Variants in CSMD1 observed in about 807,000 individuals in gnomAD.
CSMD1 encodes the protein CUB and Sushi multiple domains 1, also known as CUB and sushi domain-containing protein 1.
In CSMD1, 213 loss-of-function variants were observed where a neutral mutation model predicts 417.5. That is an observed-to-expected ratio of 0.51 (90% CI 0.46 to 0.57). The LOEUF is 0.57. Ranked by LOEUF, CSMD1 falls within the 20% of genes least tolerant of loss-of-function variation. The pLI is 0.00. For missense variants in CSMD1, 6,923 were observed against 4,529.7 expected (o/e 1.53, Z -15.17); for synonymous variants, 2,862 against 1,736.8 (o/e 1.65, Z -16.11).
chr8:4,366,509 T>C (rs1802081862), intron 3 of CSMD1, among the ~76,000 whole-genome samples: 1 of 152,192 alleles, frequency 6.6e-6, no homozygotes, highest in Admixed American at 6.5e-5. Flanking sequence ...TCCACAGTTT[T>C]CCACAGTAGC....
At chr8:4,860,501 A>G (rs1475729006) in intron 1 of CSMD1, among the ~76,000 whole-genome samples, 1 of 151,702 alleles carries the variant, frequency 6.6e-6, no homozygotes, top group Non-Finnish European at 1.5e-5. Flanking sequence ...ATCTTTTACC[A>G]TGAGTAAAAG....
intron 6 of CSMD1, among the ~76,000 whole-genome samples, chr8:3,743,137 G>T (rs1796897357): frequency 6.6e-6 from 1 of 152,180 alleles, no homozygotes; most frequent in African/African-American, 2.4e-5. Context: ...TCAGTGTCAT[G>T]AAGGTCTTCA....
chr8:4,440,399 C>G (rs759530757), intron 2 of CSMD1, among the ~76,000 whole-genome samples: 5 of 152,094 alleles, frequency 3.3e-5, no homozygotes, highest in African/African-American at 4.8e-5. Context: ...GGATTGCTCT[C>G]ACTCACACCT....
At chr8:3,687,759 C>A (rs1289665276) in intron 7 of CSMD1, among the ~76,000 whole-genome samples, 1 of 152,140 alleles carries the variant, frequency 6.6e-6, no homozygotes, top group Non-Finnish European at 1.5e-5. Context: ...CCTTGAGTAA[C>A]GGCCAAGTCT....
rs559334159 is a variant in CSMD1 at position 4,709,767 on chromosome 8, G to A, written c.86-72209C>T. 2.1e-3 allele frequency among the ~76,000 whole-genome samples: 325 copies of A among 152,308 alleles called. 1 individual carries two copies. The highest frequency in any genetic ancestry group is 7.6e-3 in the African/African-American group (315 of 41,566). The stretch of plus-strand genomic sequence containing the variant: ...TGAGCTCCATCAGTGCGTCCCTATG[G>A]CTCCCAGGGAGAAGTCACAGGGGAA... On this transcript the variant is annotated intron_variant, in intron 1 of 69. Transcript: ENST00000635120.
At chr8:3,252,285 T>C (rs1304137713) in intron 26 of CSMD1, among the ~76,000 whole-genome samples, 1 of 152,238 alleles carries the variant, frequency 6.6e-6, no homozygotes, top group East Asian at 1.9e-4. Flanking sequence ...CTGTTGAATT[T>C]TGTCAAAGGC....
intron 5 of CSMD1, among the ~76,000 whole-genome samples, chr8:3,877,665 T>A (rs905453796): frequency 7.2e-6 from 1 of 138,844 alleles, no homozygotes; most frequent in African/African-American, 3.2e-5. Context: ...TTCCCCTGAA[T>A]AAGGGTCTGA....
At position 4,260,711 on chromosome 8, in the gene CSMD1, T is replaced by A. The variant is rs189967903; in HGVS notation, c.415+159242A>T. On this transcript the variant is annotated intron_variant, in intron 3 of 69. Coordinates refer to ENST00000635120, the MANE Select transcript of CSMD1 (RefSeq NM_033225.6). ...CCAAAATTCCCATGTCGTTGGTTTA[T>A]TAATATCTTCTTATAATATTATCAT... Among the ~76,000 whole-genome samples the A allele has an allele frequency of 5.8e-3, 883 of 152,330 alleles. 8 individuals carry two copies. Among genetic ancestry groups the A allele is most frequent in the African/African-American group, 0.02 (846 of 41,580 alleles).
intron 12 of CSMD1, among the ~76,000 whole-genome samples, chr8:3,430,278 C>G (rs1268582975): frequency 6.6e-6 from 1 of 152,094 alleles, no homozygotes; most frequent in African/African-American, 2.4e-5. Flanking sequence ...TGAATACTTA[C>G]AGGTGACATT....
chr8:3,674,834 G>A (rs1220271713), intron 7 of CSMD1, among the ~76,000 whole-genome samples: 2 of 152,138 alleles, frequency 1.3e-5, no homozygotes, highest in Admixed American at 6.6e-5. Context: ...AGTTATCAGG[G>A]CACTTTGCAG....
At chr8:3,937,758 G>C (rs1039008132) in intron 5 of CSMD1, among the ~76,000 whole-genome samples, 2 of 152,024 alleles carry the variant, frequency 1.3e-5, no homozygotes, top group African/African-American at 2.4e-5. Flanking sequence ...TGATTAAGAT[G>C]TAATATATTT....
chr8:4,890,322 C>T (rs188056375), intron 1 of CSMD1, among the ~76,000 whole-genome samples: 2 of 152,260 alleles, frequency 1.3e-5, no homozygotes, highest in East Asian at 1.9e-4. Flanking sequence ...GAGAGAACCT[C>T]CAGGTTCCTA....
chr8:4,454,653 C>T (rs1232995965), intron 2 of CSMD1, among the ~76,000 whole-genome samples: 1 of 152,150 alleles, frequency 6.6e-6, no homozygotes. Context: ...TTCAGTGCAG[C>T]CTTCCAGGTC....
At chr8:3,422,044 G>A (rs1229733916) in intron 12 of CSMD1, among the ~76,000 whole-genome samples, 7 of 146,890 alleles carry the variant, frequency 4.8e-5, no homozygotes. Context: ...GAGCCACCAT[G>A]TCCAGCCCTG....
chr8:4,108,018 T>G (rs1801655944), intron 3 of CSMD1, among the ~76,000 whole-genome samples: 1 of 147,632 alleles, frequency 6.8e-6, no homozygotes, highest in African/African-American at 2.5e-5. Flanking sequence ...ACAGAAAGAC[T>G]GCAGGGGAGA....
chr8:3,486,068 A>C (rs558398444), intron 11 of CSMD1, among the ~76,000 whole-genome samples: 1 of 152,126 alleles, frequency 6.6e-6, no homozygotes, highest in African/African-American at 2.4e-5. Flanking sequence ...TATCTTTGTC[A>C]CAATTTTGTC....
intron 1 of CSMD1, among the ~76,000 whole-genome samples, chr8:4,846,242 C>T (rs764025615): frequency 1.1e-4 from 17 of 152,294 alleles, no homozygotes; most frequent in Admixed American, 4.6e-4. Context: ...AAATATAGCT[C>T]TTACTTTCAA....
In CSMD1 at chr8:3,213,886, C is replaced by A. The variant is rs10086485; in HGVS notation, c.4867+611G>T. ...TATATATATATATATGAGATGGAGT[C>A]TTGCTCTGTCACCCAGGCTGGAGTG... is the stretch of plus-strand genomic sequence containing the variant. On this transcript the variant is annotated intron_variant, in intron 30 of 69. Coordinates refer to ENST00000635120, the MANE Select transcript of CSMD1 (RefSeq NM_033225.6). Among the ~76,000 whole-genome samples, 564 of 150,694 alleles carry A rather than the reference C, an allele frequency of 3.7e-3. 3 individuals are homozygous for A. Among genetic ancestry groups the A allele is most frequent in the African/African-American group, 0.013 (548 of 40,986 alleles).
At chr8:4,346,842 G>T (rs1563078421) in intron 3 of CSMD1, among the ~76,000 whole-genome samples, 3 of 152,142 alleles carry the variant, frequency 2.0e-5, no homozygotes, top group Non-Finnish European at 4.4e-5. Flanking sequence ...GAGACTGAGG[G>T]CCTGAGGCCA....
Sources: gnomAD v4.1 joint callset for allele counts (sites outside exome capture counted in the v4.1 genomes callset) on GRCh38, gnomAD v4.1.1 for gene constraint, MANE v1.5 for transcripts, NCBI Gene and HGNC (gene_info 2026-07-23, HGNC 2026-07-21) for gene names.